Variants in HMCN1 observed in about 807,000 individuals in gnomAD.
HMCN1 encodes hemicentin-1.
In HMCN1, 321 loss-of-function variants were observed where a neutral mutation model predicts 625.9. The observed-to-expected ratio is 0.51, with a 90% CI of 0.47 to 0.56. HMCN1 has a LOEUF of 0.56. Among genes scored for constraint, HMCN1 ranks in the 20% least tolerant of loss-of-function variants. The pLI is 0.00. For missense variants in HMCN1, 6,588 were observed against 6,887.3 expected (o/e 0.96, Z 1.54); for synonymous variants, 2,425 against 2,417.6 (o/e 1.00, Z -0.09).
At chr1:185,927,236 C>A (rs775814379) in intron 9 of HMCN1, among the ~76,000 whole-genome samples, 6 of 152,152 alleles carry the variant, frequency 3.9e-5, no homozygotes, top group Non-Finnish European at 7.4e-5. Context: ...TATTCCAAAC[C>A]CCTACCTTGC....
intron 9 of HMCN1, among the ~76,000 whole-genome samples, chr1:185,927,340 T>G (rs1049185686): frequency 6.6e-6 from 1 of 152,162 alleles, no homozygotes; most frequent in Non-Finnish European, 1.5e-5. Flanking sequence ...ACATGATCAG[T>G]GTGGTATGGA....
At position 185,734,916 on chromosome 1, in the gene HMCN1, T is replaced by TTG; in HGVS notation, c.138_139dup (p.Asp47ValfsTer3). 4 of 1,614,162 alleles carry TTG rather than the reference T, an allele frequency of 2.5e-6. No individual in the cohort carries two copies. The highest frequency in any genetic ancestry group is 2.5e-6 in the Non-Finnish European group (3 of 1,180,016). Reference sequence around the variant, plus strand: ...GGGGCCTCCACGTTGGCTTTTGTGTTTGATGTGACTGGTTCTATGTATGAT... The same window carrying TTG: ...GGGGCCTCCACGTTGGCTTTTGTGTTTGTGATGTGACTGGTTCTATGTATGAT... On this transcript the variant is annotated frameshift_variant, in exon 1 of 107. Transcript: ENST00000271588. LOFTEE classifies it high-confidence loss of function.
intron 42 of HMCN1, among the ~76,000 whole-genome samples, chr1:186,051,103 G>C (rs139498154): frequency 6.6e-6 from 1 of 151,992 alleles, no homozygotes; most frequent in Non-Finnish European, 1.5e-5. Context: ...TGCAAGGAGA[G>C]AGAGGAGATG....
At chr1:186,178,390 T>C in intron 103 of HMCN1, 26 bp from the exon 104 acceptor site, 1 of 1,544,488 alleles carries the variant, frequency 6.5e-7, no homozygotes, top group South Asian at 1.1e-5. Flanking sequence ...TTTTTTTTTC[T>C]TTTTTATATC....
intron 28 of HMCN1, among the ~76,000 whole-genome samples, chr1:186,002,605 G>A (rs2102071444): frequency 6.6e-6 from 1 of 152,120 alleles, no homozygotes; most frequent in East Asian, 1.9e-4. Context: ...TATTTCTCCT[G>A]GTACTTGTCC....
chr1:185,900,731 A>G (rs562178720), intron 4 of HMCN1, among the ~76,000 whole-genome samples: 1 of 152,050 alleles, frequency 6.6e-6, no homozygotes, highest in South Asian at 2.1e-4. Context: ...GATTATTAGT[A>G]TATTAGGAGG....
chr1:186,019,786 C>A, intron 35 of HMCN1, 91 bp downstream of exon 35: 1 of 1,112,674 alleles, frequency 9.0e-7, no homozygotes, highest in Admixed American at 2.4e-5. Flanking sequence ...GTAGATTTTC[C>A]TGTTGGACAG....
intron 69 of HMCN1, among the ~76,000 whole-genome samples, chr1:186,106,093 G>GT (rs1174732410): frequency 6.6e-6 from 1 of 152,186 alleles, no homozygotes; most frequent in African/African-American, 2.4e-5. Flanking sequence ...CAGTTTGAAT[G>GT]TAAGAGTTTT....
Position 186,062,462 on chromosome 1 carries a change from TAGC to T in HMCN1, c.7427-48_7427-46del, listed in dbSNP as rs1657766184. Reference sequence around the variant, plus strand: ...AAACCATACATAAATATCTATAAAATAGCAGCTTTGCTGTTAAGAGCTGTTATT... The same window carrying T: ...AAACCATACATAAATATCTATAAAATAGCTTTGCTGTTAAGAGCTGTTATT... On this transcript the variant is annotated intron_variant, in intron 47 of 106. Coordinates refer to ENST00000271588, the MANE Select transcript of HMCN1 (RefSeq NM_031935.3). The T allele has an allele frequency of 4.8e-6, 5 of 1,051,850 alleles. No homozygotes were observed. The East Asian group carries it at 1.2e-4, about 25-fold the overall frequency. The allele number at this position is 1,051,850 out of a possible 1,614,324, so 65.2% of individuals were successfully genotyped here. A position where few individuals can be genotyped will look rare whatever the true frequency, so the allele number is the denominator to read the frequency against.
intron 4 of HMCN1, among the ~76,000 whole-genome samples, chr1:185,900,533 C>T (rs975006220): frequency 2.6e-5 from 4 of 151,920 alleles, no homozygotes; most frequent in Non-Finnish European, 4.4e-5. Context: ...TAATTTTAGT[C>T]CACATAGATG....
At chr1:185,895,023 G>A (rs55678382) in intron 4 of HMCN1, among the ~76,000 whole-genome samples, 10,838 of 152,126 alleles carry the variant, frequency 0.071, 1,342 homozygotes, top group African/African-American at 0.25. Flanking sequence ...TGAGTCACGA[G>A]TTAGTTATGT....
chr1:185,834,653 T>C lies in HMCN1; in HGVS notation c.269-11373T>C, dbSNP rs191628626. Among the ~76,000 whole-genome samples, 6 of 152,300 alleles carry C rather than the reference T, an allele frequency of 3.9e-5. No homozygotes were observed. The East Asian group carries it at 1.2e-3, about 29-fold the overall frequency. ...CATCATCTTTGCTCTATTCTTTTTT[T>C]AGAAGCAGGGCATTACGTCCAGCCT... On this transcript the variant is annotated intron_variant, in intron 1 of 106. Coordinates refer to ENST00000271588, the MANE Select transcript of HMCN1 (RefSeq NM_031935.3).
At chr1:185,918,352 G>T (rs1287220849) in intron 6 of HMCN1, among the ~76,000 whole-genome samples, 1 of 152,300 alleles carries the variant, frequency 6.6e-6, no homozygotes, top group African/African-American at 2.4e-5. Context: ...CATCATGGGA[G>T]AAAGATGAAA....
At chr1:186,064,309 T>C (rs1333834774) in intron 48 of HMCN1, among the ~76,000 whole-genome samples, 1 of 151,994 alleles carries the variant, frequency 6.6e-6, no homozygotes, top group African/African-American at 2.4e-5. Context: ...ATAGATCTCA[T>C]TTGAAAATAA....
At chr1:185,790,659 T>C (rs941316309) in intron 1 of HMCN1, among the ~76,000 whole-genome samples, 3 of 152,210 alleles carry the variant, frequency 2.0e-5, no homozygotes, top group Non-Finnish European at 1.5e-5. Context: ...TTTTTCCTTA[T>C]GAAGGACTCT....
chr1:186,087,724 C>A, intron 60 of HMCN1, 79 bp downstream of exon 60: 2 of 1,351,326 alleles, frequency 1.5e-6, no homozygotes, highest in East Asian at 2.3e-5. Context: ...TGCATATTCC[C>A]TTTTACTACA....
intron 2 of HMCN1, among the ~76,000 whole-genome samples, chr1:185,848,076 A>T (rs746265299): frequency 1.6e-4 from 25 of 152,138 alleles, no homozygotes; most frequent in Admixed American, 4.6e-4. Context: ...ACAACAAAAA[A>T]TTTCAGTATT....
At chr1:186,174,427 G>C in intron 102 of HMCN1, 87 bp from the exon 103 acceptor site, 1 of 1,502,366 alleles carries the variant, frequency 6.7e-7, no homozygotes, top group Non-Finnish European at 9.2e-7. Context: ...TGCAACCTTT[G>C]GCAATTCTAC....
chr1:186,187,743 G>A, intron 105 of HMCN1, 140 bp from the exon 106 acceptor site: 2 of 1,110,284 alleles, frequency 1.8e-6, no homozygotes, highest in East Asian at 2.4e-5. Flanking sequence ...TGTGGTTAAA[G>A]AAGGTTAGGT....
Sources: allele counts gnomAD v4.1 joint callset (sites outside exome capture counted in the v4.1 genomes callset), GRCh38; gene constraint gnomAD v4.1.1; transcripts MANE v1.5; gene names NCBI Gene and HGNC (gene_info 2026-07-23, HGNC 2026-07-21).